Variants in PDE4B observed in about 807,000 individuals in gnomAD.
PDE4B encodes phosphodiesterase 4B.
Under a neutral mutation model 82.2 loss-of-function variants are expected in PDE4B, and 20 were observed. That is an observed-to-expected ratio of 0.24 (90% CI 0.17 to 0.35). PDE4B has a LOEUF of 0.35. Among genes scored for constraint, PDE4B ranks in the 10% least tolerant of loss-of-function variants. The probability of loss-of-function intolerance (pLI) is 1.00; values close to 1 mark genes in which losing one functional copy is unlikely to be tolerated. For synonymous variants in PDE4B, 320 were observed against 318.9 expected, an observed-to-expected ratio of 1.00 and a Z score of -0.04; for missense variants, 655 against 907.2, an observed-to-expected ratio of 0.72 and a Z score of 3.57.
intron 6 of PDE4B, among the ~76,000 whole-genome samples, chr1:66,262,067 C>A (rs1211829868): frequency 6.6e-6 from 1 of 152,184 alleles, no homozygotes; most frequent in African/African-American, 2.4e-5. Context: ...TATTAACATT[C>A]TTCCAAAGCA....
chr1:65,823,364 A>G (rs915929163), intron 1 of PDE4B, among the ~76,000 whole-genome samples: 6 of 147,738 alleles, frequency 4.1e-5, no homozygotes, highest in African/African-American at 1.3e-4. Context: ...CCATTGTACT[A>G]CAGCCTGGCC....
rs573842767 is a variant in PDE4B, at chr1:66,277,539, G to A, written c.634+11452G>A. Among the ~76,000 whole-genome samples, 3 of 152,246 alleles carry A rather than the reference G, an allele frequency of 2.0e-5. No individual in the cohort carries two copies. The South Asian group carries it at 6.2e-4, about 32-fold the overall frequency. The stretch of plus-strand genomic sequence containing the variant: ...GCCTCCCAAGTAGTTGGGACTACAG[G>A]TGTGCGCCACCACGCCAGGCTAATT... On this transcript the variant is annotated intron_variant, in intron 7 of 16. Transcript: ENST00000341517.
chr1:65,998,434 G>T (rs907970592), intron 3 of PDE4B, among the ~76,000 whole-genome samples: 1 of 137,266 alleles, frequency 7.3e-6, no homozygotes, highest in Non-Finnish European at 1.6e-5. Flanking sequence ...GCCACGACAG[G>T]TTATGAGAAG....
chr1:65,805,277 C>T (rs1223464172), intron 1 of PDE4B, among the ~76,000 whole-genome samples: 2 of 152,164 alleles, frequency 1.3e-5, no homozygotes, highest in Non-Finnish European at 2.9e-5. Context: ...GGGCATGTCT[C>T]TTTTCAGTAC....
At chr1:65,919,825 T>A (rs1325616387) in intron 3 of PDE4B, among the ~76,000 whole-genome samples, 1 of 152,200 alleles carries the variant, frequency 6.6e-6, no homozygotes, top group East Asian at 1.9e-4. Flanking sequence ...ATATACGGCA[T>A]CTTGACATCC....
chr1:66,192,170 C>CA (rs1043928589), intron 3 of PDE4B, among the ~76,000 whole-genome samples: 1 of 151,918 alleles, frequency 6.6e-6, no homozygotes, highest in Non-Finnish European at 1.5e-5. Flanking sequence ...GCCTTGTGTC[C>CA]AAAACTGTTC....
intron 7 of PDE4B, among the ~76,000 whole-genome samples, chr1:66,309,104 A>G (rs1299878646): frequency 6.6e-6 from 1 of 152,172 alleles, no homozygotes; most frequent in African/African-American, 2.4e-5. Context: ...GATTCACCAA[A>G]CTATTCTTGG....
chr1:66,194,299 C>T (rs896499108), intron 3 of PDE4B, among the ~76,000 whole-genome samples: 1 of 152,100 alleles, frequency 6.6e-6, no homozygotes, highest in Non-Finnish European at 1.5e-5. Context: ...ACAATACTAT[C>T]TAATAGCATA....
intron 7 of PDE4B, among the ~76,000 whole-genome samples, chr1:66,299,302 G>T (rs1050886780): frequency 1.1e-4 from 16 of 152,022 alleles, no homozygotes; most frequent in African/African-American, 3.9e-4. Context: ...TTAGCCTCCA[G>T]ATATTAGTGA....
rs563500039 is a variant in PDE4B at position 66,087,152 on chromosome 1, T to C, written c.282-160308T>C. 5.3e-5 allele frequency among the ~76,000 whole-genome samples: 8 copies of C among 152,256 alleles called. No homozygotes were observed. In the South Asian group the frequency reaches 1.7e-3, roughly 32 times the overall value. ...TGAAGTTCCTTATGTTCTATACAGT[T>C]GGGCTTGGTCTTTCTCCTATGGGTA... On this transcript the variant is annotated intron_variant, in intron 3 of 16. Coordinates refer to ENST00000341517, the MANE Select transcript of PDE4B (RefSeq NM_002600.4).
At chr1:66,187,558 T>C (rs993599669) in intron 3 of PDE4B, among the ~76,000 whole-genome samples, 1 of 152,266 alleles carries the variant, frequency 6.6e-6, no homozygotes, top group African/African-American at 2.4e-5. Flanking sequence ...TGGTTTAGTC[T>C]TGGGAGGGCA....
intron 3 of PDE4B, among the ~76,000 whole-genome samples, chr1:66,009,938 TATCTATCTATCTATC>T (rs1347440230): frequency 6.1e-5 from 9 of 147,684 alleles, no homozygotes; most frequent in African/African-American, 2.4e-4. Context: ...TCTATCTATC[TATCTATCTATCTATC>T]ATCTATCTAT....
chr1:66,115,798 T>A (rs1645583287), intron 3 of PDE4B, among the ~76,000 whole-genome samples: 1 of 152,260 alleles, frequency 6.6e-6, no homozygotes, highest in South Asian at 2.1e-4. Flanking sequence ...CTTGTTTTGA[T>A]GATAATGCTC....
chr1:65,838,994 T>C (rs1056477599), intron 1 of PDE4B, among the ~76,000 whole-genome samples: 2 of 152,156 alleles, frequency 1.3e-5, no homozygotes, highest in South Asian at 4.1e-4. Context: ...AAAAAGGTTG[T>C]ATTAAGAAAA....
At chr1:65,914,220 C>T (rs1330202335) in intron 2 of PDE4B, among the ~76,000 whole-genome samples, 1 of 152,188 alleles carries the variant, frequency 6.6e-6, no homozygotes, top group Non-Finnish European at 1.5e-5. Flanking sequence ...GATGCTCACC[C>T]TATGGGCCCT....
intron 7 of PDE4B, among the ~76,000 whole-genome samples, chr1:66,300,176 C>T (rs961004666): frequency 3.3e-5 from 5 of 152,172 alleles, no homozygotes; most frequent in Non-Finnish European, 5.9e-5. Context: ...GAGTGGGCAT[C>T]AAAAGCCAAT....
intron 3 of PDE4B, among the ~76,000 whole-genome samples, chr1:65,974,690 A>C (rs956893379): frequency 2.0e-5 from 3 of 151,738 alleles, no homozygotes; most frequent in African/African-American, 7.3e-5. Flanking sequence ...TAGTGGGTGA[A>C]CTCTCACAAG....
At chr1:66,199,898 T>C (rs1032828619) in intron 3 of PDE4B, among the ~76,000 whole-genome samples, 3 of 152,222 alleles carry the variant, frequency 2.0e-5, no homozygotes, top group Admixed American at 6.5e-5. Flanking sequence ...GCTTTTGGTG[T>C]TTTAGACATG....
chr1:66,369,774 T>C (rs1663537506), intron 16 of PDE4B, among the ~76,000 whole-genome samples: 1 of 152,202 alleles, frequency 6.6e-6, no homozygotes. Flanking sequence ...AATTTGCATA[T>C]ACTTGTAATA....
Sources: gnomAD v4.1 joint callset for allele counts (sites outside exome capture counted in the v4.1 genomes callset) on GRCh38, gnomAD v4.1.1 for gene constraint, MANE v1.5 for transcripts, NCBI Gene and HGNC (gene_info 2026-07-23, HGNC 2026-07-21) for gene names.